The following EPHA6 variants were observed in gnomAD, a reference collection of about 807,000 sequenced individuals.
The protein encoded by EPHA6 is EPH receptor A6, also known as ephrin type-A receptor 6.
A neutral mutation model predicts 112.0 loss-of-function variants in EPHA6; 50 were observed. That is an observed-to-expected ratio of 0.45 (90% CI 0.36 to 0.56). The LOEUF is 0.56. EPHA6 is among the 20% of genes least tolerant of loss of function. EPHA6 has a pLI of 0.00. For missense variants in EPHA6, 1,280 were observed against 1,417.4 expected (o/e 0.90, Z 1.56); for synonymous variants, 529 against 490.7 (o/e 1.08, Z -1.03).
At chr3:97,024,962 G>GT (rs2044587371) in intron 3 of EPHA6, among the ~76,000 whole-genome samples, 2 of 152,264 alleles carry the variant, frequency 1.3e-5, no homozygotes, top group Admixed American at 1.3e-4. Flanking sequence ...TAAGAAGTTA[G>GT]TTATGATTTA....
chr3:96,891,241 A>G (rs1248400442), intron 2 of EPHA6, among the ~76,000 whole-genome samples: 4 of 152,216 alleles, frequency 2.6e-5, no homozygotes, highest in African/African-American at 9.7e-5. Context: ...GCATAAAAAT[A>G]CTATAAAGCA....
chr3:97,157,319 C>G (rs1559762710), intron 3 of EPHA6, among the ~76,000 whole-genome samples: 1 of 151,996 alleles, frequency 6.6e-6, no homozygotes, highest in Non-Finnish European at 1.5e-5. Flanking sequence ...CAGATATTAT[C>G]TGTTTTAAGC....
chr3:97,291,230 C>T (rs1282500340), intron 5 of EPHA6, among the ~76,000 whole-genome samples: 3 of 152,002 alleles, frequency 2.0e-5, no homozygotes, highest in Non-Finnish European at 4.4e-5. Context: ...TCATTGTTGT[C>T]TGATAAGATA....
intron 2 of EPHA6, among the ~76,000 whole-genome samples, chr3:96,923,791 A>G (rs1046367714): frequency 1.3e-5 from 2 of 152,034 alleles, no homozygotes; most frequent in African/African-American, 4.8e-5. Flanking sequence ...ATCCATCTTG[A>G]GTTGATTTTT....
At chr3:97,563,866 C>G (rs1157155089) in intron 11 of EPHA6, among the ~76,000 whole-genome samples, 1 of 152,086 alleles carries the variant, frequency 6.6e-6, no homozygotes, top group Non-Finnish European at 1.5e-5. Context: ...CCAACTATTA[C>G]AAATTCTGTT....
chr3:96,876,133 A>ATT (rs112570955), intron 2 of EPHA6, among the ~76,000 whole-genome samples: 2 of 140,826 alleles, frequency 1.4e-5, no homozygotes, highest in Non-Finnish European at 1.5e-5. Flanking sequence ...AAATACATAT[A>ATT]TTTTTTTTTT....
rs1214282171 is a variant in EPHA6, at chr3:97,749,874, A to T, written c.*1173A>T. On this transcript the variant is annotated 3_prime_UTR_variant, in exon 18 of 18. Transcript: ENST00000389672. Reference sequence around the variant, plus strand: ...CTCTTTTCGAAACCTTCTAAGAAATAAGTATGAATACTCCAAAGAGCATAT... The same window carrying T: ...CTCTTTTCGAAACCTTCTAAGAAATTAGTATGAATACTCCAAAGAGCATAT... 6.6e-6 allele frequency among the ~76,000 whole-genome samples: 1 copy of T among 152,210 alleles called. No homozygotes were observed. Among genetic ancestry groups the T allele is most frequent in the Non-Finnish European group, 1.5e-5 (1 of 68,022 alleles).
intron 3 of EPHA6, among the ~76,000 whole-genome samples, chr3:97,207,566 T>C (rs1301070319): frequency 6.6e-6 from 1 of 152,142 alleles, no homozygotes; most frequent in Non-Finnish European, 1.5e-5. Flanking sequence ...TTATGGAAAT[T>C]TGATATGCAT....
chr3:96,937,054 C>A (rs574906209), intron 2 of EPHA6, among the ~76,000 whole-genome samples: 1 of 152,028 alleles, frequency 6.6e-6, no homozygotes, highest in Non-Finnish European at 1.5e-5. Flanking sequence ...ATTGTGAATA[C>A]TGCCACAATA....
chr3:97,754,208 C>T lies in EPHA6; in HGVS notation c.*5507C>T, dbSNP rs1044309523. On this transcript the variant is annotated 3_prime_UTR_variant, in exon 18 of 18. Coordinates refer to ENST00000389672, the MANE Select transcript of EPHA6 (RefSeq NM_001080448.3). ...GGTTCAAGCAATTCTCCTGCCTCAG[C>T]CTCCCGAGTAGCTAGGATTACAGGC... Among the ~76,000 whole-genome samples the T allele has an allele frequency of 3.3e-5, 5 of 151,442 alleles. No individual in the cohort carries two copies. The highest frequency in any genetic ancestry group is 5.9e-5 in the Non-Finnish European group (4 of 67,896).
rs2036113825 is a variant in EPHA6, at chr3:97,759,786, T to A, written c.*11085T>A. On this transcript the variant is annotated 3_prime_UTR_variant, in exon 18 of 18. Transcript: ENST00000389672. ...GGACGTATAGGTTGGAAGAGACATA[T>A]GTAAGTAGTTGGATAGTAGGAAAGT... 4.5e-6 allele frequency: 1 copy of A among 224,184 alleles called. No individual in the cohort carries two copies. Among genetic ancestry groups the A allele is most frequent in the East Asian group, 6.4e-5 (1 of 15,530 alleles). 13.9% of individuals were successfully genotyped at this position (224,184 alleles called of 1,614,324 possible). A position where few individuals can be genotyped will look rare whatever the true frequency, so the allele number is the denominator to read the frequency against.
intron 3 of EPHA6, among the ~76,000 whole-genome samples, chr3:97,147,730 G>A (rs976505086): frequency 1.3e-5 from 2 of 152,038 alleles, no homozygotes. Flanking sequence ...ATGTTCTGCA[G>A]CATATCTGGT....
intron 11 of EPHA6, among the ~76,000 whole-genome samples, chr3:97,570,342 A>G (rs931496554): frequency 6.6e-6 from 1 of 152,202 alleles, no homozygotes; most frequent in Non-Finnish European, 1.5e-5. Context: ...AGCAAGTCTA[A>G]GGGCAGAGGC....
chr3:97,646,292 G>A (rs182880112), intron 14 of EPHA6: 17 of 1,529,682 alleles, frequency 1.1e-5, no homozygotes, highest in Admixed American at 2.0e-5. Flanking sequence ...AATGTGACAA[G>A]AGAGATAACC....
intron 14 of EPHA6, among the ~76,000 whole-genome samples, chr3:97,650,668 A>G (rs1462453388): frequency 6.6e-6 from 1 of 151,968 alleles, no homozygotes; most frequent in Non-Finnish European, 1.5e-5. Context: ...CTAAAAAACA[A>G]AAACAAGAAG....
chr3:97,124,493 G>GA (rs1343868459), intron 3 of EPHA6, among the ~76,000 whole-genome samples: 1 of 151,060 alleles, frequency 6.6e-6, no homozygotes, highest in Non-Finnish European at 1.5e-5. Flanking sequence ...AAGAAAGAAA[G>GA]AAAGAAAGAG....
intron 3 of EPHA6, among the ~76,000 whole-genome samples, chr3:97,077,097 AT>A (rs1246235275): frequency 6.6e-6 from 1 of 152,102 alleles, no homozygotes; most frequent in Non-Finnish European, 1.5e-5. Context: ...TTAAGAATAC[AT>A]TTTTGCAAGG....
At chr3:97,127,261 C>T (rs1036620255) in intron 3 of EPHA6, among the ~76,000 whole-genome samples, 1 of 152,104 alleles carries the variant, frequency 6.6e-6, no homozygotes, top group African/African-American at 2.4e-5. Context: ...TTTGCAAGAC[C>T]TGCTTTGCTC....
chr3:96,921,008 T>G (rs2039730623), intron 2 of EPHA6, among the ~76,000 whole-genome samples: 1 of 152,056 alleles, frequency 6.6e-6, no homozygotes, highest in South Asian at 2.1e-4. Context: ...TAATTACCTG[T>G]GTAAGAAAAG....
Sources: gnomAD v4.1 joint callset for allele counts (sites outside exome capture counted in the v4.1 genomes callset) on GRCh38, gnomAD v4.1.1 for gene constraint, MANE v1.5 for transcripts, NCBI Gene and HGNC (gene_info 2026-07-23, HGNC 2026-07-21) for gene names.